Variants in LDB2 observed in about 807,000 individuals in gnomAD.
LDB2 encodes the protein LIM domain-binding protein 2.
Under a neutral mutation model 44.3 loss-of-function variants are expected in LDB2, and 12 were observed. The ratio of observed to expected loss-of-function variants is 0.27; its 90% CI spans 0.17 to 0.44. LDB2 has a LOEUF of 0.44. Among genes scored for constraint, LDB2 ranks in the 20% least tolerant of loss-of-function variants. LDB2 has a pLI of 1.00. For missense variants in LDB2, 344 were observed against 473.5 expected (o/e 0.73, Z 2.54); for synonymous variants, 164 against 174.8 (o/e 0.94, Z 0.49).
At chr4:16,583,276 G>C (rs1361437847) in intron 5 of LDB2, among the ~76,000 whole-genome samples, 1 of 152,160 alleles carries the variant, frequency 6.6e-6, no homozygotes, top group African/African-American at 2.4e-5. Flanking sequence ...TCAATGGCTG[G>C]AGCCTTTAAA....
At chr4:16,650,547 C>T (rs921263438) in intron 2 of LDB2, among the ~76,000 whole-genome samples, 3 of 152,170 alleles carry the variant, frequency 2.0e-5, no homozygotes, top group Non-Finnish European at 4.4e-5. Context: ...ATTTATACAA[C>T]TTAAAAACAA....
chr4:16,751,291 A>G (rs1174377976), intron 2 of LDB2, among the ~76,000 whole-genome samples: 3 of 152,354 alleles, frequency 2.0e-5, no homozygotes, highest in African/African-American at 7.2e-5. Context: ...AACATACCAT[A>G]TCTGAAACGT....
chr4:16,748,687 C>T (rs1452052515), intron 2 of LDB2, among the ~76,000 whole-genome samples: 1 of 152,142 alleles, frequency 6.6e-6, no homozygotes, highest in African/African-American at 2.4e-5. Flanking sequence ...TGGCTCACTC[C>T]ACTAAACCAA....
At chr4:16,505,151 A>T (rs1718849942) in intron 7 of LDB2, among the ~76,000 whole-genome samples, 1 of 152,264 alleles carries the variant, frequency 6.6e-6, no homozygotes, top group Admixed American at 6.5e-5. Flanking sequence ...AAGTACTATG[A>T]ACATAGTGGT....
intron 1 of LDB2, among the ~76,000 whole-genome samples, chr4:16,789,694 C>T (rs186936604): frequency 6.6e-6 from 1 of 152,294 alleles, no homozygotes; most frequent in East Asian, 1.9e-4. Context: ...CTTTCGGAGG[C>T]CAAGGCGAGC....
intron 5 of LDB2, among the ~76,000 whole-genome samples, chr4:16,518,798 T>A (rs1242553964): frequency 6.6e-6 from 1 of 152,242 alleles, no homozygotes; most frequent in Non-Finnish European, 1.5e-5. Flanking sequence ...CTGCTTACTT[T>A]ATTGAGAAAG....
rs534527246 is a variant in LDB2, at chr4:16,627,136, C to T, written c.236-31261G>A. On this transcript the variant is annotated intron_variant, in intron 2 of 7. Transcript: ENST00000304523. ...GGCTTCTTGGCAGTGAGACACACAC[C>T]ATGAGTCACACTGGGAGGTCAGTGA... The T allele has an allele frequency of 7.4e-4, 112 of 152,330 alleles. 1 individual carries two copies. The highest frequency in any genetic ancestry group is 2.7e-3 in the African/African-American group (111 of 41,566). 9.4% of individuals were successfully genotyped at this position (152,330 alleles called of 1,614,324 possible).
At chr4:16,507,472 G>A (rs868026478) in intron 7 of LDB2, among the ~76,000 whole-genome samples, 3 of 152,110 alleles carry the variant, frequency 2.0e-5, no homozygotes, top group Admixed American at 6.6e-5. Flanking sequence ...AGGTCCACTC[G>A]CACATGGAAG....
At chr4:16,884,479 C>T (rs1478022220) in intron 1 of LDB2, among the ~76,000 whole-genome samples, 1 of 152,176 alleles carries the variant, frequency 6.6e-6, no homozygotes, top group Non-Finnish European at 1.5e-5. Context: ...AACACATACA[C>T]CCCAGACCTT....
At chr4:16,785,485 C>T (rs540577909) in intron 1 of LDB2, among the ~76,000 whole-genome samples, 13 of 152,258 alleles carry the variant, frequency 8.5e-5, no homozygotes, top group East Asian at 3.9e-4. Flanking sequence ...GTGCCCATTC[C>T]GACTCCGTAA....
At chr4:16,656,739 C>G (rs997839034) in intron 2 of LDB2, among the ~76,000 whole-genome samples, 1 of 152,134 alleles carries the variant, frequency 6.6e-6, no homozygotes, top group Non-Finnish European at 1.5e-5. Context: ...TCCCCGTAAA[C>G]AGATTGATTC....
intron 2 of LDB2, among the ~76,000 whole-genome samples, chr4:16,662,082 A>G (rs959896722): frequency 3.3e-5 from 5 of 152,204 alleles, no homozygotes; most frequent in African/African-American, 9.6e-5. Context: ...GATTGCCAGA[A>G]AACTCAGCAT....
chr4:16,725,246 ACACACACACACACACG>A (rs1759170729), intron 2 of LDB2, among the ~76,000 whole-genome samples: 1 of 151,766 alleles, frequency 6.6e-6, no homozygotes, highest in South Asian at 2.1e-4. Flanking sequence ...ACAAGTTCAC[ACACACACACACACACG>A]CACACACACG....
intron 5 of LDB2, among the ~76,000 whole-genome samples, chr4:16,517,869 T>TG (rs1299702498): frequency 7.0e-6 from 1 of 143,808 alleles, no homozygotes; most frequent in Non-Finnish European, 1.5e-5. Context: ...AACAGGAACT[T>TG]GATGAATGAG....
chr4:16,864,518 G>A (rs755607695), intron 1 of LDB2, among the ~76,000 whole-genome samples: 1 of 152,150 alleles, frequency 6.6e-6, no homozygotes, highest in Non-Finnish European at 1.5e-5. Flanking sequence ...CACTAAAGAT[G>A]GGTAGGTCAA....
chr4:16,720,074 GTCATATAAAGTCCATGGTGGAGCC>G (rs1367313995), intron 2 of LDB2, among the ~76,000 whole-genome samples: 1 of 151,930 alleles, frequency 6.6e-6, no homozygotes, highest in Non-Finnish European at 1.5e-5. Flanking sequence ...CTCATTCATG[GTCATATAAAGTCCATGGTGGAGCC>G]TGATGTGATG....
chr4:16,530,486 C>A lies in LDB2; in HGVS notation c.616-18382G>T, dbSNP rs967639987. Among the ~76,000 whole-genome samples, 3 of 152,284 alleles carry A rather than the reference C, an allele frequency of 2.0e-5. 1 individual carries two copies. The East Asian group carries it at 5.8e-4, about 29-fold the overall frequency. The stretch of plus-strand genomic sequence containing the variant: ...TTGCCCAGCAGCAGAAAGTAAGCTG[C>A]CCAAGGGCACACTGAAAGCAAAGTC... On this transcript the variant is annotated intron_variant, in intron 5 of 7. Coordinates refer to ENST00000304523, the MANE Select transcript of LDB2 (RefSeq NM_001290.5).
chr4:16,887,444 A>T (rs948764577), intron 1 of LDB2, among the ~76,000 whole-genome samples: 6 of 152,176 alleles, frequency 3.9e-5, no homozygotes, highest in African/African-American at 1.4e-4. Flanking sequence ...AGGGCAGGTA[A>T]TATGCACTGA....
At chr4:16,847,430 C>T (rs1472569248) in intron 1 of LDB2, among the ~76,000 whole-genome samples, 1 of 152,084 alleles carries the variant, frequency 6.6e-6, no homozygotes, top group Non-Finnish European at 1.5e-5. Context: ...GACACCTCCT[C>T]CTTAAGGATG....
Sources: gnomAD v4.1 joint callset for allele counts (sites outside exome capture counted in the v4.1 genomes callset) on GRCh38, gnomAD v4.1.1 for gene constraint, MANE v1.5 for transcripts, NCBI Gene and HGNC (gene_info 2026-07-23, HGNC 2026-07-21) for gene names.